GABRG3: variants seen among roughly 807,000 people sequenced by gnomAD.
GABRG3 encodes gamma-aminobutyric acid type A receptor subunit gamma3.
In GABRG3, 25 loss-of-function variants were observed where a neutral mutation model predicts 48.8. The ratio of observed to expected loss-of-function variants is 0.51; its 90% CI spans 0.37 to 0.72. GABRG3 has a LOEUF of 0.72. GABRG3 is among the 30% of genes least tolerant of loss of function. GABRG3 has a pLI of 0.00. For synonymous variants in GABRG3, 227 were observed against 217.6 expected (o/e 1.04, Z -0.38); for missense variants, 394 against 577.9 (o/e 0.68, Z 3.26).
At chr15:27,089,594 C>G (rs1025740626) in intron 3 of GABRG3, among the ~76,000 whole-genome samples, 11 of 152,130 alleles carry the variant, frequency 7.2e-5, no homozygotes, top group Non-Finnish European at 1.3e-4. Context: ...AGTAGCAGCC[C>G]CTGCCAGGCC....
chr15:27,159,379 G>A (rs1319517615), intron 3 of GABRG3, among the ~76,000 whole-genome samples: 2 of 151,970 alleles, frequency 1.3e-5, no homozygotes, highest in South Asian at 2.1e-4. Flanking sequence ...CTACTGGGGA[G>A]ACTGAGGCAT....
At chr15:27,000,114 G>A (rs925991494) in intron 2 of GABRG3, among the ~76,000 whole-genome samples, 2 of 152,082 alleles carry the variant, frequency 1.3e-5, no homozygotes, top group Admixed American at 1.3e-4. Context: ...TCTAGCATTT[G>A]TATCAGCCTG....
intron 3 of GABRG3, among the ~76,000 whole-genome samples, chr15:27,194,487 A>T (rs1403272391): frequency 6.6e-6 from 1 of 152,120 alleles, no homozygotes; most frequent in African/African-American, 2.4e-5. Flanking sequence ...TTTGGCTGAG[A>T]GTGTTTTTAT....
At chr15:27,481,465 G>A (rs1367989954) in intron 6 of GABRG3, 1 of 165,070 alleles carries the variant, frequency 6.1e-6, no homozygotes, top group Non-Finnish European at 1.3e-5. Flanking sequence ...GTGGGGTGCA[G>A]ATGGGGGTAG....
At chr15:27,406,612 G>A (rs1055713275) in intron 5 of GABRG3, among the ~76,000 whole-genome samples, 4 of 152,120 alleles carry the variant, frequency 2.6e-5, no homozygotes, top group African/African-American at 7.2e-5. Flanking sequence ...CCTCAAAACC[G>A]TCCAGGTCGT....
chr15:27,071,315 C>T (rs187899824), intron 3 of GABRG3, among the ~76,000 whole-genome samples: 7 of 152,344 alleles, frequency 4.6e-5, no homozygotes, highest in African/African-American at 1.7e-4. Flanking sequence ...CCCTTCTCCT[C>T]TCTTCCCTCT....
chr15:27,192,383 T>C (rs1477352451), intron 3 of GABRG3, among the ~76,000 whole-genome samples: 1 of 152,248 alleles, frequency 6.6e-6, no homozygotes, highest in Non-Finnish European at 1.5e-5. Flanking sequence ...AGATTTGGTC[T>C]TTTCACATAG....
chr15:27,281,358 G>C (rs538313327), intron 3 of GABRG3, among the ~76,000 whole-genome samples: 61 of 151,462 alleles, frequency 4.0e-4, no homozygotes, highest in Middle Eastern at 3.5e-3. Flanking sequence ...ACCTTTGCCT[G>C]TTTTTCCAGA....
chr15:27,157,602 T>G (rs1898466770), intron 3 of GABRG3: 1 of 152,208 alleles, frequency 6.6e-6, no homozygotes, highest in South Asian at 2.1e-4. Context: ...AGGTTCCAAC[T>G]CTAGTTTGGC....
intron 5 of GABRG3, among the ~76,000 whole-genome samples, chr15:27,454,203 T>G (rs185587286): frequency 5.3e-5 from 8 of 152,316 alleles, no homozygotes; most frequent in African/African-American, 1.7e-4. Context: ...TTTAATATTT[T>G]CTCAAGAATT....
chr15:26,995,371 A>C (rs1895320793), intron 2 of GABRG3, among the ~76,000 whole-genome samples: 1 of 151,992 alleles, frequency 6.6e-6, no homozygotes, highest in African/African-American at 2.4e-5. Context: ...CCTAGACAAC[A>C]TGGTGTTGGA....
intron 3 of GABRG3, among the ~76,000 whole-genome samples, chr15:27,309,298 A>ATG (rs1362244450): frequency 2.0e-5 from 3 of 147,768 alleles, no homozygotes; most frequent in Admixed American, 6.7e-5. Flanking sequence ...TGTGTTTTAT[A>ATG]TATGTGTGTG....
intron 3 of GABRG3, among the ~76,000 whole-genome samples, chr15:27,264,602 C>A: frequency 7.7e-6 from 1 of 130,646 alleles, no homozygotes. Flanking sequence ...TATAAAAAAC[C>A]CTCAAACCAG....
chr15:27,354,222 A>G (rs953418275), intron 5 of GABRG3, among the ~76,000 whole-genome samples: 1 of 152,210 alleles, frequency 6.6e-6, no homozygotes, highest in Admixed American at 6.5e-5. Flanking sequence ...CTCTTCACAC[A>G]TAGAAAACTG....
intron 5 of GABRG3, among the ~76,000 whole-genome samples, chr15:27,367,992 T>C (rs192222051): frequency 2.0e-4 from 31 of 152,280 alleles, no homozygotes; most frequent in Admixed American, 1.7e-3. Flanking sequence ...GCTGTTCTTA[T>C]CTCCCCTTCA....
chr15:27,459,831 GT>G (rs1889395666), intron 5 of GABRG3, among the ~76,000 whole-genome samples: 1 of 152,110 alleles, frequency 6.6e-6, no homozygotes, highest in African/African-American at 2.4e-5. Context: ...ATTTTCAGAA[GT>G]TTTTCCCTCT....
chr15:27,190,471 A>G (rs1888256587), intron 3 of GABRG3, among the ~76,000 whole-genome samples: 1 of 152,168 alleles, frequency 6.6e-6, no homozygotes, highest in Non-Finnish European at 1.5e-5. Flanking sequence ...GTATGTGTTG[A>G]GGAATTTATC....
At chr15:27,259,230 T>C (rs1473182799) in intron 3 of GABRG3, among the ~76,000 whole-genome samples, 1 of 152,192 alleles carries the variant, frequency 6.6e-6, no homozygotes, top group African/African-American at 2.4e-5. Context: ...TGATTTCCCT[T>C]CCTTTGGTTA....
At chr15:27,230,057 T>A (rs1889750364) in intron 3 of GABRG3, among the ~76,000 whole-genome samples, 1 of 152,204 alleles carries the variant, frequency 6.6e-6, no homozygotes, top group Non-Finnish European at 1.5e-5. Flanking sequence ...TGTTTGTGTC[T>A]TCTCTGATTT....
Sources: gnomAD v4.1 joint callset for allele counts (sites outside exome capture counted in the v4.1 genomes callset) on GRCh38, gnomAD v4.1.1 for gene constraint, MANE v1.5 for transcripts, NCBI Gene and HGNC (gene_info 2026-07-23, HGNC 2026-07-21) for gene names.